Variants in TMEM150C observed in about 807,000 individuals in gnomAD.
TMEM150C encodes the protein tentonin 3.
A neutral mutation model predicts 29.9 loss-of-function variants in TMEM150C; 10 were observed. The observed-to-expected ratio is 0.33, with a 90% CI of 0.21 to 0.57. The LOEUF is 0.57. TMEM150C is among the 20% of genes least tolerant of loss of function. The pLI, the probability that TMEM150C is intolerant of heterozygous loss-of-function variation, is 0.88. For synonymous variants in TMEM150C, 101 were observed against 112.5 expected, an observed-to-expected ratio of 0.90 and a Z score of 0.64; for missense variants, 251 against 303.6, an observed-to-expected ratio of 0.83 and a Z score of 1.29.
At chr4:82,519,978 C>T (rs1022158870) in intron 1 of TMEM150C, among the ~76,000 whole-genome samples, 2 of 152,116 alleles carry the variant, frequency 1.3e-5, no homozygotes, top group African/African-American at 4.8e-5. Flanking sequence ...TGTACATTTC[C>T]ATTCTGGTTT....
At chr4:82,492,975 A>T (rs189632726) in intron 6 of TMEM150C, among the ~76,000 whole-genome samples, 6 of 149,416 alleles carry the variant, frequency 4.0e-5, no homozygotes, top group Non-Finnish European at 8.9e-5. Context: ...ATGTATTTAC[A>T]TATTTTTAAA....
At chr4:82,508,784 T>G (rs2110072444) in intron 1 of TMEM150C, among the ~76,000 whole-genome samples, 1 of 152,236 alleles carries the variant, frequency 6.6e-6, no homozygotes, top group Middle Eastern at 3.4e-3. Context: ...TTTTTTATTC[T>G]ACATAATATT....
chr4:82,535,926 G>A (rs185192346), intron 1 of TMEM150C, among the ~76,000 whole-genome samples: 81 of 152,196 alleles, frequency 5.3e-4, no homozygotes, highest in Middle Eastern at 3.4e-3. Flanking sequence ...GATGTATGTA[G>A]CACCCCCCTC....
intron 1 of TMEM150C, among the ~76,000 whole-genome samples, chr4:82,550,614 C>T (rs1384113042): frequency 1.3e-5 from 2 of 151,970 alleles, no homozygotes; most frequent in East Asian, 3.9e-4. Flanking sequence ...CGGTGAAACC[C>T]TGTTTCTACT....
At chr4:82,493,763 C>G (rs147737026) in intron 6 of TMEM150C, among the ~76,000 whole-genome samples, 2 of 152,310 alleles carry the variant, frequency 1.3e-5, no homozygotes, top group East Asian at 3.9e-4. Flanking sequence ...GTTAAAATGC[C>G]CCATGCCTTA....
intron 1 of TMEM150C, among the ~76,000 whole-genome samples, chr4:82,508,955 G>C (rs1724028916): frequency 6.6e-6 from 1 of 152,140 alleles, no homozygotes; most frequent in Non-Finnish European, 1.5e-5. Flanking sequence ...CTTCTTGAAA[G>C]GGTTCTGGCA....
rs1028797942 is a variant in TMEM150C at position 82,530,874 on chromosome 4, C to T, written c.-10-26207G>A. 5.9e-5 allele frequency among the ~76,000 whole-genome samples: 9 copies of T among 152,172 alleles called. No homozygotes were observed. In the South Asian group the frequency reaches 1.7e-3, roughly 28 times the overall value. ...GGGAAGCAAGCACGTCTTACATGGCCGGAGCAAGAGAGAGTGAATGGGGAG... is the reference window on the plus strand; with the variant it reads ...GGGAAGCAAGCACGTCTTACATGGCTGGAGCAAGAGAGAGTGAATGGGGAG... On this transcript the variant is annotated intron_variant, in intron 1 of 7. Coordinates refer to ENST00000449862, the MANE Select transcript of TMEM150C (RefSeq NM_001080506.3).
Position 82,561,935 on chromosome 4 carries a change from C to T in TMEM150C, c.-40G>A. 1 of 1,049,978 alleles carries T rather than the reference C, an allele frequency of 9.5e-7. No individual in the cohort carries two copies. Among genetic ancestry groups the T allele is most frequent in the Non-Finnish European group, 1.2e-6 (1 of 868,094 alleles). The allele number at this position is 1,049,978 out of a possible 1,614,324, so 65.0% of individuals were successfully genotyped here. On this transcript the variant is annotated 5_prime_UTR_variant, in exon 1 of 8. Coordinates refer to ENST00000449862, the MANE Select transcript of TMEM150C (RefSeq NM_001080506.3). ...TCTGGTGCGGCGGGGCCGCTGTCGC[C>T]TCGAGGGGCTGTGACCTGCTGCGGT...
intron 1 of TMEM150C, among the ~76,000 whole-genome samples, chr4:82,506,262 T>C (rs955360806): frequency 6.6e-6 from 1 of 152,214 alleles, no homozygotes; most frequent in Admixed American, 6.5e-5. Context: ...GGCGAACCAA[T>C]CCCATCTGCA....
chr4:82,527,359 G>A (rs1045210237), intron 1 of TMEM150C, among the ~76,000 whole-genome samples: 8 of 152,086 alleles, frequency 5.3e-5, no homozygotes, highest in African/African-American at 1.7e-4. Flanking sequence ...TTCACAGCTC[G>A]CACACGTACT....
chr4:82,554,763 T>C (rs1725688896), intron 1 of TMEM150C, among the ~76,000 whole-genome samples: 1 of 152,224 alleles, frequency 6.6e-6, no homozygotes, highest in Non-Finnish European at 1.5e-5. Context: ...TATACCGCCA[T>C]AGTTAAGCAT....
chr4:82,534,439 G>C (rs1300309488), intron 1 of TMEM150C, among the ~76,000 whole-genome samples: 5 of 151,878 alleles, frequency 3.3e-5, no homozygotes, highest in Non-Finnish European at 7.4e-5. Flanking sequence ...ATAATTAGAA[G>C]ATATAATAGA....
chr4:82,540,535 C>T lies in TMEM150C; in HGVS notation c.-11+21371G>A, dbSNP rs961606447. On this transcript the variant is annotated intron_variant, in intron 1 of 7. Transcript: ENST00000449862. The stretch of plus-strand genomic sequence containing the variant: ...TATTATTATTAATATTAATATTTTG[C>T]ATCTTATTGCTTTTTATCCTGGCTA... 7.9e-5 allele frequency among the ~76,000 whole-genome samples: 12 copies of T among 152,006 alleles called. No homozygotes were observed. The South Asian group carries it at 2.3e-3, about 29-fold the overall frequency.
chr4:82,532,532 T>C (rs1416036033), intron 1 of TMEM150C, among the ~76,000 whole-genome samples: 2 of 152,132 alleles, frequency 1.3e-5, no homozygotes, highest in Admixed American at 6.5e-5. Flanking sequence ...AAATATCAAG[T>C]GTCTTAAGAA....
intron 1 of TMEM150C, among the ~76,000 whole-genome samples, chr4:82,520,334 C>T (rs1020209669): frequency 1.3e-5 from 2 of 152,174 alleles, no homozygotes; most frequent in Non-Finnish European, 2.9e-5. Context: ...TCTATGTCAG[C>T]ACCCACAGTG....
At chr4:82,545,191 A>C (rs530052541) in intron 1 of TMEM150C, among the ~76,000 whole-genome samples, 1 of 152,358 alleles carries the variant, frequency 6.6e-6, no homozygotes, top group African/African-American at 2.4e-5. Context: ...CAAAAAGTTA[A>C]TTCCCCGTGA....
At chr4:82,523,260 G>A (rs1174743461) in intron 1 of TMEM150C, among the ~76,000 whole-genome samples, 1 of 152,148 alleles carries the variant, frequency 6.6e-6, no homozygotes, top group African/African-American at 2.4e-5. Flanking sequence ...AACCAAAAGA[G>A]GAGGTCCCCA....
intron 5 of TMEM150C, among the ~76,000 whole-genome samples, chr4:82,499,427 G>A (rs1451170044): frequency 6.7e-6 from 1 of 149,838 alleles, no homozygotes; most frequent in Non-Finnish European, 1.5e-5. Context: ...ATTTTCAAAA[G>A]AGCACAAATA....
At position 82,485,667 on chromosome 4, in the gene TMEM150C, C is replaced by G. The variant is rs748066653; in HGVS notation, c.594G>C (p.Trp198Cys). The change falls in exon 8 of 8, where the codon TGG (tryptophan) becomes TGC (cysteine). Residue 198 changes from tryptophan to cysteine, a missense_variant. Trp to Cys is a radical substitution (Grantham distance 215). Transcript: ENST00000449862. ...SIHMYAARVQ[W>C]GLVMCFLSYF... ...AAGACAGGAAGCACATGACCAGGCC[C>G]CACTGGACCCTGGCTGCATACATGT... The G allele has an allele frequency of 6.8e-6, 11 of 1,609,748 alleles. No individual in the cohort carries two copies. The highest frequency in any genetic ancestry group is 1.3e-5 in the African/African-American group (1 of 74,978).
Sources: allele counts gnomAD v4.1 joint callset (sites outside exome capture counted in the v4.1 genomes callset), GRCh38; gene constraint gnomAD v4.1.1; transcripts MANE v1.5; gene names NCBI Gene and HGNC (gene_info 2026-07-23, HGNC 2026-07-21).